TDRD1: variants seen among roughly 807,000 people sequenced by gnomAD.
TDRD1 encodes tudor domain containing 1.
A neutral mutation model predicts 140.6 loss-of-function variants in TDRD1; 37 were observed. The ratio of observed to expected loss-of-function variants is 0.26; its 90% confidence interval spans 0.20 to 0.35. TDRD1 has a LOEUF of 0.35. TDRD1 is among the 10% of genes least tolerant of loss of function. TDRD1 has a pLI of 1.00. For missense variants in TDRD1, 1,243 were observed against 1,393.0 expected, an observed-to-expected ratio of 0.89 and a Z score of 1.71; for synonymous variants, 506 against 475.7, an observed-to-expected ratio of 1.06 and a Z score of -0.83.
intron 18 of TDRD1, among the ~76,000 whole-genome samples, chr10:114,219,606 A>C (rs955877105): frequency 2.6e-5 from 3 of 116,864 alleles, no homozygotes; most frequent in African/African-American, 1.0e-4. Flanking sequence ...TTTTTTTTTG[A>C]GATGGGGTTT....
chr10:114,199,038 G>T, intron 3 of TDRD1, 135 bp from the exon 4 acceptor site: 1 of 984,986 alleles, frequency 1.0e-6, no homozygotes, highest in East Asian at 2.6e-5. Context: ...ATAAGTTCAG[G>T]GTTTTAGTTT....
At position 114,204,710 on chromosome 10, in the gene TDRD1, A is replaced by G. The variant is rs772252290; in HGVS notation, c.1126-12A>G. 5 of 1,565,126 alleles carry G rather than the reference A, an allele frequency of 3.2e-6. No homozygotes were observed. The East Asian group carries it at 9.3e-5, about 29-fold the overall frequency. On this transcript the variant is annotated splice_polypyrimidine_tract_variant and intron_variant, in intron 9 of 25. Coordinates refer to ENST00000251864, the Ensembl canonical transcript of TDRD1. ...GGTAATTTTTGTAAGTAACCTGCGT[A>G]AAATTTTTCAGGCCATAAAGTGCTT...
intron 1 of TDRD1, among the ~76,000 whole-genome samples, chr10:114,187,334 A>C (rs181256188): frequency 6.6e-6 from 1 of 152,194 alleles, no homozygotes; most frequent in Non-Finnish European, 1.5e-5. Flanking sequence ...ATGGTCAGGC[A>C]GTGAGTGCGA....
At chr10:114,213,734 G>A in intron 15 of TDRD1, 146 bp downstream of exon 15, 2 of 876,852 alleles carry the variant, frequency 2.3e-6, no homozygotes, top group Non-Finnish European at 3.4e-6. Flanking sequence ...TTGTAAGAAT[G>A]TTTGAAAAAT....
At chr10:114,196,821 G>C (rs1229907161) in intron 3 of TDRD1, among the ~76,000 whole-genome samples, 2 of 108,086 alleles carry the variant, frequency 1.9e-5, no homozygotes, top group Non-Finnish European at 3.6e-5. Context: ...AAATTTGGAA[G>C]TTTCTAGCAG....
At chr10:114,188,842 C>T (rs1247416839) in intron 2 of TDRD1, among the ~76,000 whole-genome samples, 1 of 138,206 alleles carries the variant, frequency 7.2e-6, no homozygotes. Flanking sequence ...GGTGACAGAG[C>T]GATACTCTGT....
intron 25 of TDRD1, chr10:114,228,428 C>T (rs1028323652): frequency 9.3e-7 from 1 of 1,078,006 alleles, no homozygotes; most frequent in African/African-American, 1.7e-5. Flanking sequence ...ACTTGTAAAA[C>T]TTGTTGTGAC....
intron 10 of TDRD1, among the ~76,000 whole-genome samples, chr10:114,205,712 G>A (rs955380276): frequency 1.3e-5 from 2 of 152,078 alleles, no homozygotes; most frequent in East Asian, 1.9e-4. Context: ...ACCAGAGGCC[G>A]GGAAGGGTAG....
At chr10:114,216,961 G>A (rs1290152608) in intron 16 of TDRD1, among the ~76,000 whole-genome samples, 1 of 152,182 alleles carries the variant, frequency 6.6e-6, no homozygotes, top group Non-Finnish European at 1.5e-5. Context: ...ATTTTGCAGG[G>A]ACAGCTCCAA....
chr10:114,187,042 T>A (rs1325879671), intron 1 of TDRD1, among the ~76,000 whole-genome samples: 1 of 152,180 alleles, frequency 6.6e-6, no homozygotes, highest in Non-Finnish European at 1.5e-5. Context: ...CCCTTTTAAT[T>A]CCCCTGGGCA....
chr10:114,201,098 C>T (rs1220520602), intron 4 of TDRD1, among the ~76,000 whole-genome samples: 1 of 151,948 alleles, frequency 6.6e-6, no homozygotes, highest in East Asian at 1.9e-4. Context: ...TCAGGTGATT[C>T]ACCTGCCTCA....
chr10:114,176,251 A>C (rs1589643542), upstream of TDRD1, among the ~76,000 whole-genome samples: 2 of 152,218 alleles, frequency 1.3e-5, no homozygotes, highest in South Asian at 2.1e-4. The surrounding 1 kb of genome is among the most constrained non-coding windows in gnomAD (Gnocchi z 4.2). Flanking sequence ...CCACCTGTGA[A>C]GTATTCCTGC....
At chr10:114,222,270 C>T (rs557294122) in intron 20 of TDRD1, among the ~76,000 whole-genome samples, 76 of 152,214 alleles carry the variant, frequency 5.0e-4, no homozygotes, top group Middle Eastern at 3.4e-3. Flanking sequence ...GAAAAGTACA[C>T]TAAACAATTG....
intron 3 of TDRD1, among the ~76,000 whole-genome samples, chr10:114,196,477 T>C (rs1451544866): frequency 6.6e-6 from 1 of 152,240 alleles, no homozygotes; most frequent in Non-Finnish European, 1.5e-5. Context: ...CACTTTCTTC[T>C]GGCCTCCATG....
At chr10:114,204,439 T>A (rs1202222427) in intron 9 of TDRD1, among the ~76,000 whole-genome samples, 1 of 152,214 alleles carries the variant, frequency 6.6e-6, no homozygotes, top group African/African-American at 2.4e-5. Context: ...TTCAAAATAA[T>A]CATTTCTATA....
At chr10:114,215,702 C>T (rs1397890114) in intron 16 of TDRD1, among the ~76,000 whole-genome samples, 1 of 151,992 alleles carries the variant, frequency 6.6e-6, no homozygotes, top group African/African-American at 2.4e-5. Context: ...TGGTAGGCCA[C>T]CATTCCATAT....
At chr10:114,210,511 A>G in intron 11 of TDRD1, 70 bp from the exon 12 acceptor site, 1 of 1,425,560 alleles carries the variant, frequency 7.0e-7, no homozygotes, top group Admixed American at 2.5e-5. Context: ...AAATGATTAA[A>G]GCGTGCATAA....
intron 1 of TDRD1, chr10:114,179,719 A>G (rs1434160472): frequency 6.6e-6 from 1 of 152,180 alleles, no homozygotes; most frequent in African/African-American, 2.4e-5. Flanking sequence ...AAAAATTACG[A>G]TACAAACAAT....
chr10:114,228,228 A>G, intron 25 of TDRD1: 2 of 1,453,708 alleles, frequency 1.4e-6, no homozygotes, highest in South Asian at 3.0e-5. Flanking sequence ...AACCTATTGT[A>G]AGGCTGTACT....
Sources: allele counts gnomAD v4.1 joint callset (sites outside exome capture counted in the v4.1 genomes callset), GRCh38; gene constraint gnomAD v4.1.1; non-coding constraint Gnocchi (gnomAD v3.1); transcripts MANE v1.5; gene names NCBI Gene and HGNC (gene_info 2026-07-23, HGNC 2026-07-21).